Variants in VTI1B observed in about 807,000 individuals in gnomAD.
VTI1B encodes the protein vesicle transport through interaction with t-SNAREs homolog 1B.
In VTI1B, 18 loss-of-function variants were observed where a neutral mutation model predicts 28.6. The observed-to-expected ratio is 0.63, with a 90% CI of 0.43 to 0.93. The LOEUF (loss-of-function observed/expected upper bound fraction) is 0.93, where lower values mean the gene tolerates loss of function less well. VTI1B is among the 40% of genes least tolerant of loss of function. The probability of loss-of-function intolerance (pLI) is 0.00; values close to 1 mark genes in which losing one functional copy is unlikely to be tolerated. For synonymous variants in VTI1B, 100 were observed against 107.9 expected, an observed-to-expected ratio of 0.93 and a Z score of 0.46; for missense variants, 283 against 297.0, an observed-to-expected ratio of 0.95 and a Z score of 0.35.
intron 3 of VTI1B, among the ~76,000 whole-genome samples, chr14:67,658,320 C>T (rs566898042): frequency 1.3e-5 from 2 of 152,136 alleles, no homozygotes; most frequent in South Asian, 2.1e-4. Flanking sequence ...ACTCGCCAGG[C>T]GTGGTGGGTC....
At chr14:67,662,885 A>C (rs1284745798) in intron 1 of VTI1B, 4 of 1,192,238 alleles carry the variant, frequency 3.4e-6, no homozygotes, top group Admixed American at 9.3e-5. Flanking sequence ...CCTGGGCAAT[A>C]GAGCAAGACT....
chr14:67,669,470 T>A (rs551763073), intron 1 of VTI1B, among the ~76,000 whole-genome samples: 2 of 151,934 alleles, frequency 1.3e-5, no homozygotes, highest in South Asian at 2.1e-4. Context: ...TCTCACCATG[T>A]TGCCAAGGCT....
intron 2 of VTI1B, among the ~76,000 whole-genome samples, chr14:67,660,987 T>C (rs2037326671): frequency 6.6e-6 from 1 of 152,138 alleles, no homozygotes; most frequent in African/African-American, 2.4e-5. Context: ...AGTGGCCTGG[T>C]CTTTCTTAAA....
intron 4 of VTI1B, 123 bp downstream of exon 4, chr14:67,656,293 A>C: frequency 1.1e-6 from 1 of 946,968 alleles, no homozygotes; most frequent in Non-Finnish European, 1.4e-6. Flanking sequence ...AAGCATAAGA[A>C]CTTAAAAAAG....
Position 67,647,798 on chromosome 14 carries a change from T to C in VTI1B, c.*3587A>G. On this transcript the variant is annotated 3_prime_UTR_variant, in exon 6 of 6. Coordinates refer to ENST00000554659, the MANE Select transcript of VTI1B (RefSeq NM_006370.3). ...ACCCAGTGTAAGGCAGAAATATACA[T>C]TGGAGTTAGTCTGTCTGAGGTATGC... is the stretch of plus-strand genomic sequence containing the variant. 6.3e-6 allele frequency: 3 copies of C among 473,622 alleles called. No individual in the cohort carries two copies. The highest frequency in any genetic ancestry group is 1.1e-5 in the Non-Finnish European group (3 of 264,660). The allele number at this position is 473,622 out of a possible 1,614,324, so 29.3% of individuals were successfully genotyped here.
At chr14:67,669,801 C>T (rs1377388606) in intron 1 of VTI1B, among the ~76,000 whole-genome samples, 2 of 152,086 alleles carry the variant, frequency 1.3e-5, no homozygotes, top group Admixed American at 6.5e-5. Flanking sequence ...TAATTTCTGC[C>T]TCAAAACCAA....
At chr14:67,663,154 G>C (rs1428430587) in intron 1 of VTI1B, 4 of 1,532,620 alleles carry the variant, frequency 2.6e-6, no homozygotes, top group Middle Eastern at 1.7e-4. Flanking sequence ...CCCTTTGGTT[G>C]AGTGTATCTT....
In VTI1B at chr14:67,651,432, C is replaced by A. The variant is rs780495647; in HGVS notation, c.652G>T (p.Ala218Ser). 6.2e-7 allele frequency: 1 copy of A among 1,613,934 alleles called. No individual in the cohort carries two copies. The highest frequency in any genetic ancestry group is 8.5e-7 in the Non-Finnish European group (1 of 1,179,834). Residue 218 changes from alanine (A) to serine (S), a missense_variant, in exon 6 of 6, where the codon GCC (alanine) becomes TCC (serine). Ala to Ser is a moderately conservative substitution (Grantham distance 99, BLOSUM62 1). Transcript: ENST00000554659. ...TAGTAAACCAGGCCTCCCAGGATGGCGAGCTCCAGTAAGATGATAATGGAA... is the reference window on the plus strand; with the variant it reads ...TAGTAAACCAGGCCTCCCAGGATGGAGAGCTCCAGTAAGATGATAATGGAA... ...LLSIIILLEL[A>S]ILGGLVYYKF...
intron 4 of VTI1B, among the ~76,000 whole-genome samples, chr14:67,654,960 C>T (rs1205004241): frequency 4.6e-5 from 6 of 131,544 alleles, no homozygotes; most frequent in Admixed American, 1.8e-4. Context: ...ACCTGGGAGG[C>T]GGAGCTTGCA....
intron 2 of VTI1B, among the ~76,000 whole-genome samples, chr14:67,661,172 G>A (rs988854952): frequency 2.0e-5 from 3 of 150,730 alleles, no homozygotes; most frequent in African/African-American, 2.4e-5. Flanking sequence ...CTATTTCTGC[G>A]GAGTACTAGC....
chr14:67,660,097 T>G (rs2037317406), intron 2 of VTI1B, 175 bp from the exon 3 acceptor site: 2 of 623,228 alleles, frequency 3.2e-6, no homozygotes, highest in East Asian at 2.9e-5. Flanking sequence ...CTGAATGCCT[T>G]GCATAGTGCC....
At chr14:67,667,801 C>T (rs570336315) in intron 1 of VTI1B, among the ~76,000 whole-genome samples, 5 of 151,908 alleles carry the variant, frequency 3.3e-5, no homozygotes, top group Non-Finnish European at 5.9e-5. Context: ...AAACTTAGCC[C>T]GGCGTGGTGG....
In VTI1B at chr14:67,647,544, G is replaced by A. The variant is rs1021725786; in HGVS notation, c.*3841C>T. The A allele has an allele frequency of 1.9e-5, 3 of 155,596 alleles. No homozygotes were observed. Among genetic ancestry groups the A allele is most frequent in the African/African-American group, 7.2e-5 (3 of 41,508 alleles). 9.6% of individuals were successfully genotyped at this position (155,596 alleles called of 1,614,324 possible). On this transcript the variant is annotated 3_prime_UTR_variant, in exon 6 of 6. Coordinates refer to ENST00000554659, the MANE Select transcript of VTI1B (RefSeq NM_006370.3). ...TTAGCTTCAGCCTTTGGACACTGGG[G>A]CTATAATGAAGTTAGAAATGGAAGA...
chr14:67,660,179 C>T, intron 2 of VTI1B: 1 of 348,366 alleles, frequency 2.9e-6, no homozygotes, highest in Non-Finnish European at 5.2e-6. Flanking sequence ...TACTTTATAG[C>T]TTACTAAACA....
At chr14:67,670,615 G>GC (rs756015958) in intron 1 of VTI1B, among the ~76,000 whole-genome samples, 1 of 151,306 alleles carries the variant, frequency 6.6e-6, no homozygotes. Flanking sequence ...TGCAATCTCT[G>GC]CCCCCTGGGT....
chr14:67,654,873 C>T (rs558941918), intron 4 of VTI1B, among the ~76,000 whole-genome samples: 13 of 151,632 alleles, frequency 8.6e-5, no homozygotes, highest in African/African-American at 2.2e-4. Context: ...ACTAAAAATA[C>T]GAAAAATTAG....
In VTI1B at chr14:67,653,455, A is replaced by T. The variant is rs2037214387; in HGVS notation, c.584T>A (p.Leu195His). The T allele has an allele frequency of 6.2e-7, 1 of 1,614,018 alleles. No individual in the cohort carries two copies. The highest frequency in any genetic ancestry group is 2.2e-5 in the East Asian group (1 of 44,880). Residue 195 changes from leucine to histidine, a missense_variant, in exon 5 of 6, where the codon CTC becomes CAC. Transcript: ENST00000554659. ...AACTTACTTTCTGGACATTGAACGG[A>T]GAATCTTCCGACTTTTGCTCAAGTT... ...SENLSKSRKI[L>H]RSMSRKVTTN...
intron 3 of VTI1B, chr14:67,657,223 C>G (rs1368752912): frequency 6.6e-6 from 1 of 152,026 alleles, no homozygotes; most frequent in East Asian, 1.9e-4. Context: ...CTACATTCTT[C>G]TTTTTCAGCT....
Position 67,649,373 on chromosome 14 carries a change from C to T in VTI1B, c.*2012G>A, listed in dbSNP as rs969246998. The T allele has an allele frequency of 6.6e-6, 1 of 152,022 alleles. No homozygotes were observed. Among genetic ancestry groups the T allele is most frequent in the African/African-American group, 2.4e-5 (1 of 41,378 alleles). 9.4% of individuals were successfully genotyped at this position (152,022 alleles called of 1,614,324 possible). On this transcript the variant is annotated 3_prime_UTR_variant, in exon 6 of 6. Coordinates refer to ENST00000554659, the MANE Select transcript of VTI1B (RefSeq NM_006370.3). ...CCCGTTTCTACAAAAAATAATTAGC[C>T]AGGTGTCCCAACTACTTGGGAGGTT...
Sources: allele counts gnomAD v4.1 joint callset (sites outside exome capture counted in the v4.1 genomes callset), GRCh38; gene constraint gnomAD v4.1.1; transcripts MANE v1.5; gene names NCBI Gene and HGNC (gene_info 2026-07-23, HGNC 2026-07-21).